ASCC3: variants seen among roughly 807,000 people sequenced by gnomAD.
ASCC3 encodes the protein activating signal cointegrator 1 complex subunit 3.
ASCC3 carries 158 observed loss-of-function variants against 256.3 expected under a neutral mutation model. That is an observed-to-expected ratio of 0.62 (90% CI 0.54 to 0.70). ASCC3 has a LOEUF of 0.70. Ranked by LOEUF, ASCC3 falls within the 30% of genes least tolerant of loss-of-function variation. ASCC3 has a pLI of 0.00. For synonymous variants in ASCC3, 948 were observed against 883.4 expected, an observed-to-expected ratio of 1.07 and a Z score of -1.30; for missense variants, 2,259 against 2,626.0, an observed-to-expected ratio of 0.86 and a Z score of 3.05.
chr6:100,608,306 ATG>A (rs1392259086), intron 30 of ASCC3, among the ~76,000 whole-genome samples: 1 of 99,042 alleles, frequency 1.0e-5, no homozygotes, highest in Non-Finnish European at 1.8e-5. Context: ...TACCTTATAT[ATG>A]TATACCTTAT....
intron 36 of ASCC3, among the ~76,000 whole-genome samples, chr6:100,547,883 T>G (rs896317682): frequency 6.6e-6 from 1 of 150,896 alleles, no homozygotes; most frequent in African/African-American, 2.4e-5. Flanking sequence ...GAAAAAAAAA[T>G]CAGAAAAAAA....
At position 100,516,218 on chromosome 6, in the gene ASCC3, T is replaced by C. The variant is rs777971180; in HGVS notation, c.6037A>G (p.Met2013Val). The C allele has an allele frequency of 2.2e-5, 35 of 1,613,608 alleles. No individual in the cohort carries two copies. Among genetic ancestry groups the C allele is most frequent in the Non-Finnish European group, 1.9e-5 (23 of 1,179,716 alleles). ...GCAGCATGTAGCTCACTTTCTACCA[T>C]GGAGCTAAATACATGGTCTTTCCCT... ...CGGKDHVFSS[M>V]VESELHAAKT... Residue 2013 changes from methionine (M) to valine (V), a missense_variant, in exon 39 of 42, where the codon ATG becomes GTG. This residue lies in a region of ASCC3 where 1,839 missense variants were observed against 2,206.7 expected (regional missense o/e 0.83). Transcript: ENST00000369162.
chr6:100,602,028 T>C, intron 33 of ASCC3, 93 bp from the exon 34 acceptor site: 1 of 1,428,880 alleles, frequency 7.0e-7, no homozygotes, highest in South Asian at 1.3e-5. Flanking sequence ...GATTTTATGT[T>C]CTAAGATAAA....
In ASCC3 at chr6:100,628,998, G is replaced by C. The variant is rs556055434; in HGVS notation, c.4375+17C>G. 3.7e-6 allele frequency: 6 copies of C among 1,608,566 alleles called. No individual in the cohort carries two copies. In the South Asian group the frequency reaches 6.6e-5, roughly 18 times the overall value. ...AGTTAAAGTTTGTAAACTGGCTTTAGATACAGTGGTACCTACCAAGCAGAT... is the reference window on the plus strand; with the variant it reads ...AGTTAAAGTTTGTAAACTGGCTTTACATACAGTGGTACCTACCAAGCAGAT... On this transcript the variant is annotated intron_variant, in intron 27 of 41. Coordinates refer to ENST00000369162, the MANE Select transcript of ASCC3 (RefSeq NM_006828.4).
At chr6:100,743,026 G>A (rs967608200) in intron 10 of ASCC3, among the ~76,000 whole-genome samples, 1 of 152,214 alleles carries the variant, frequency 6.6e-6, no homozygotes, top group African/African-American at 2.4e-5. Flanking sequence ...CTGAGTGGCT[G>A]CTCTGCCAAG....
chr6:100,558,813 A>G (rs1373488217), intron 36 of ASCC3, among the ~76,000 whole-genome samples: 1 of 152,078 alleles, frequency 6.6e-6, no homozygotes, highest in African/African-American at 2.4e-5. Context: ...CTTTCATTCC[A>G]TATTATGTCC....
At position 100,848,558 on chromosome 6, in the gene ASCC3, A is replaced by G; in HGVS notation, c.391T>C (p.Cys131Arg). Residue 131 changes from cysteine (C) to arginine (R), a missense_variant, in exon 4 of 42, where the codon TGT becomes CGT. By Grantham distance (180) the Cys-to-Arg change is radical. Coordinates refer to ENST00000369162, the MANE Select transcript of ASCC3 (RefSeq NM_006828.4). ...PFPSSSATAA[C>R]NATNRIISHF... is the part of the protein sequence containing the mutation. ...GAAATAATTCGATTAGTAGCATTACAAGCTGCAGTGGCAGATGATGAAGGA... is the reference window on the plus strand; with the variant it reads ...GAAATAATTCGATTAGTAGCATTACGAGCTGCAGTGGCAGATGATGAAGGA... 1 of 1,614,126 alleles carries G rather than the reference A, an allele frequency of 6.2e-7. No individual in the cohort carries two copies. Among genetic ancestry groups the G allele is most frequent in the Non-Finnish European group, 8.5e-7 (1 of 1,180,016 alleles).
At chr6:100,542,148 C>G (rs1205790236) in intron 36 of ASCC3, among the ~76,000 whole-genome samples, 1 of 152,096 alleles carries the variant, frequency 6.6e-6, no homozygotes, top group African/African-American at 2.4e-5. Flanking sequence ...TTGATATAAA[C>G]TATAAATCTA....
At chr6:100,679,858 A>G in intron 13 of ASCC3, 106 bp from the exon 14 acceptor site, 10 of 1,261,204 alleles carry the variant, frequency 7.9e-6, no homozygotes, top group Non-Finnish European at 1.0e-5. Flanking sequence ...TTCTCAAAAC[A>G]TAATCACAAA....
intron 8 of ASCC3, among the ~76,000 whole-genome samples, chr6:100,788,169 G>A (rs1395847519): frequency 6.6e-6 from 1 of 151,904 alleles, no homozygotes; most frequent in Non-Finnish European, 1.5e-5. Context: ...AATTATTTAA[G>A]CAGAAATCTC....
chr6:100,538,254 A>G (rs930132238), intron 37 of ASCC3, among the ~76,000 whole-genome samples: 1 of 152,142 alleles, frequency 6.6e-6, no homozygotes, highest in Non-Finnish European at 1.5e-5. Flanking sequence ...GGAAACACAA[A>G]TGAGTATCCA....
chr6:100,765,991 T>A (rs906528399), intron 10 of ASCC3, among the ~76,000 whole-genome samples: 1 of 152,240 alleles, frequency 6.6e-6, no homozygotes, highest in Non-Finnish European at 1.5e-5. Flanking sequence ...ATACTAATCA[T>A]CTAGTTGAAA....
At position 100,552,637 on chromosome 6, in the gene ASCC3, A is replaced by T. The variant is rs193265642; in HGVS notation, c.5551-12250T>A. Among the ~76,000 whole-genome samples, 187 of 152,138 alleles carry T rather than the reference A, an allele frequency of 1.2e-3. 1 individual carries two copies. The highest frequency in any genetic ancestry group is 4.3e-3 in the African/African-American group (177 of 41,562). On this transcript the variant is annotated intron_variant, in intron 36 of 41. Transcript: ENST00000369162. ...AAAAGTACATCAATGTGTGATAAAG[A>T]AATATGCTCTTTCCAGTGCACCTCA...
At chr6:100,680,385 C>T (rs995152961) in intron 13 of ASCC3, among the ~76,000 whole-genome samples, 13 of 152,024 alleles carry the variant, frequency 8.6e-5, no homozygotes, top group Admixed American at 7.2e-4. Flanking sequence ...TCACCAGGCA[C>T]GTGTGAATAC....
chr6:100,853,570 T>G (rs1332479040), intron 3 of ASCC3, among the ~76,000 whole-genome samples: 3 of 152,144 alleles, frequency 2.0e-5, no homozygotes, highest in Admixed American at 2.0e-4. Flanking sequence ...GCTCAAGTGA[T>G]TCTCCAGTCT....
At chr6:100,626,425 T>C (rs1774239453) in intron 29 of ASCC3, among the ~76,000 whole-genome samples, 1 of 152,058 alleles carries the variant, frequency 6.6e-6, no homozygotes, top group Non-Finnish European at 1.5e-5. Flanking sequence ...TATCACACAA[T>C]CATATTTCTA....
chr6:100,650,760 TA>T (rs770011714), intron 19 of ASCC3, 46 bp from the exon 20 acceptor site: 1 of 1,461,096 alleles, frequency 6.8e-7, no homozygotes. Context: ...CTGATTTATT[TA>T]AATTTTTCAC....
intron 10 of ASCC3, among the ~76,000 whole-genome samples, chr6:100,750,746 C>G: frequency 6.6e-6 from 1 of 151,920 alleles, no homozygotes; most frequent in African/African-American, 2.4e-5. Context: ...ACATTAGATG[C>G]TTAACAAACA....
intron 10 of ASCC3, among the ~76,000 whole-genome samples, chr6:100,752,655 A>G (rs1242570971): frequency 6.6e-6 from 1 of 152,160 alleles, no homozygotes; most frequent in Non-Finnish European, 1.5e-5. Flanking sequence ...AATGATGTCC[A>G]GAACATTAAA....
Sources: gnomAD v4.1 joint callset for allele counts (sites outside exome capture counted in the v4.1 genomes callset) on GRCh38, gnomAD v4.1.1 for gene constraint, gnomAD v4.1.1 regional missense constraint, MANE v1.5 for transcripts, NCBI Gene and HGNC (gene_info 2026-07-23, HGNC 2026-07-21) for gene names.